The following TPST1 variants were observed in gnomAD, a reference collection of about 807,000 sequenced individuals.
TPST1 encodes protein-tyrosine sulfotransferase 1.
In TPST1, 20 loss-of-function variants were observed where a neutral mutation model predicts 34.8. The ratio of observed to expected loss-of-function variants is 0.57; its 90% CI spans 0.40 to 0.84. TPST1 has a LOEUF of 0.84. Ranked by LOEUF, TPST1 falls within the 40% of genes least tolerant of loss-of-function variation. The pLI is 0.00. For synonymous variants in TPST1, 152 were observed against 159.4 expected (o/e 0.95, Z 0.35); for missense variants, 353 against 455.5 (o/e 0.78, Z 2.05).
At chr7:66,271,936 C>A (rs947973326) in intron 2 of TPST1, among the ~76,000 whole-genome samples, 1 of 151,968 alleles carries the variant, frequency 6.6e-6, no homozygotes, top group Non-Finnish European at 1.5e-5. Flanking sequence ...GCTGTCTAGT[C>A]TTTTACAGAA....
At chr7:66,200,797 G>A (rs778505703), upstream of TPST1, among the ~76,000 whole-genome samples, 2 of 151,760 alleles carry the variant, frequency 1.3e-5, no homozygotes, top group Non-Finnish European at 2.9e-5. Flanking sequence ...CACAGTCTCC[G>A]CTCACCGCAG....
chr7:66,227,323 G>A (rs1023750022), intron 1 of TPST1, among the ~76,000 whole-genome samples: 5 of 151,914 alleles, frequency 3.3e-5, no homozygotes, highest in African/African-American at 9.7e-5. Flanking sequence ...GAGCCACTGC[G>A]CCCAGCCCAA....
chr7:66,327,441 A>G (rs922858995), intron 3 of TPST1, among the ~76,000 whole-genome samples: 3 of 152,168 alleles, frequency 2.0e-5, no homozygotes, highest in African/African-American at 4.8e-5. Context: ...GTATATGTAC[A>G]GCTGGGTGCA....
At chr7:66,316,296 T>C (rs958607897) in intron 3 of TPST1, among the ~76,000 whole-genome samples, 5 of 152,226 alleles carry the variant, frequency 3.3e-5, no homozygotes, top group Admixed American at 6.5e-5. Context: ...AAGAATATTA[T>C]CTAAATGATA....
chr7:66,232,997 A>G (rs969343022), intron 1 of TPST1, among the ~76,000 whole-genome samples: 1 of 152,120 alleles, frequency 6.6e-6, no homozygotes, highest in Non-Finnish European at 1.5e-5. Context: ...GACCATTTGC[A>G]TATATTCTTT....
At chr7:66,237,947 C>CAA (rs1267544686) in intron 1 of TPST1, among the ~76,000 whole-genome samples, 1 of 152,114 alleles carries the variant, frequency 6.6e-6, no homozygotes, top group Admixed American at 6.6e-5. Context: ...GTAACTGTTA[C>CAA]AGGGAGGCCT....
chr7:66,241,863 G>A (rs767071662), intron 2 of TPST1, among the ~76,000 whole-genome samples: 2 of 152,196 alleles, frequency 1.3e-5, no homozygotes, highest in Non-Finnish European at 2.9e-5. Context: ...GCCAGAATTC[G>A]AATCTGTGCC....
At chr7:66,245,495 G>A (rs919118180) in intron 2 of TPST1, among the ~76,000 whole-genome samples, 1 of 152,246 alleles carries the variant, frequency 6.6e-6, no homozygotes, top group Non-Finnish European at 1.5e-5. Context: ...TCCTGAGAGT[G>A]ATTAGATATC....
At chr7:66,256,634 C>T (rs1171917841) in intron 2 of TPST1, among the ~76,000 whole-genome samples, 2 of 152,150 alleles carry the variant, frequency 1.3e-5, no homozygotes, top group African/African-American at 4.8e-5. Flanking sequence ...TCTTTTCCAG[C>T]CTTATCTCAG....
At position 66,312,579 on chromosome 7, in the gene TPST1, C is replaced by T. The variant is rs182683202; in HGVS notation, c.1044+25870C>T. On this transcript the variant is annotated intron_variant, in intron 3 of 5. Transcript: ENST00000304842. ...CCTTTTTAAAAATCTATTAAAATAT[C>T]GTTAATTTAAAAAATCCCTTTAAAA... 7.9e-5 allele frequency among the ~76,000 whole-genome samples: 12 copies of T among 152,094 alleles called. No homozygotes were observed. The East Asian group carries it at 1.7e-3, about 22-fold the overall frequency.
chr7:66,286,197 G>T (rs1791030444), intron 2 of TPST1, among the ~76,000 whole-genome samples: 1 of 151,996 alleles, frequency 6.6e-6, no homozygotes. Context: ...ATTTTTCTAA[G>T]CAGCTGTATC....
upstream of TPST1, among the ~76,000 whole-genome samples, chr7:66,200,851 C>T (rs761003186): frequency 3.3e-5 from 5 of 152,166 alleles, no homozygotes; most frequent in Admixed American, 6.6e-5. Context: ...CTCAGCCTCC[C>T]GAGTTGCTGG....
chr7:66,220,474 C>A (rs1214861077), intron 1 of TPST1, among the ~76,000 whole-genome samples: 1 of 152,078 alleles, frequency 6.6e-6, no homozygotes, highest in African/African-American at 2.4e-5. Context: ...TACAAGGGCA[C>A]TAGGAAGGAC....
chr7:66,312,434 A>G (rs1388289334), intron 3 of TPST1, among the ~76,000 whole-genome samples: 2 of 152,226 alleles, frequency 1.3e-5, no homozygotes, highest in Non-Finnish European at 2.9e-5. Flanking sequence ...AAATGAGAAT[A>G]TAATAAATCA....
chr7:66,343,838 A>G (rs989128072), intron 3 of TPST1, among the ~76,000 whole-genome samples: 1 of 152,234 alleles, frequency 6.6e-6, no homozygotes, highest in East Asian at 1.9e-4. Flanking sequence ...AATTTTAAAT[A>G]AGTATGATTA....
chr7:66,258,505 ATC>A (rs946682698), intron 2 of TPST1, among the ~76,000 whole-genome samples: 6 of 152,144 alleles, frequency 3.9e-5, no homozygotes, highest in African/African-American at 1.4e-4. Flanking sequence ...GCTTCCCTGA[ATC>A]TCTCTTATGT....
intron 2 of TPST1, among the ~76,000 whole-genome samples, chr7:66,242,730 C>T (rs970482223): frequency 2.0e-5 from 3 of 152,160 alleles, no homozygotes; most frequent in African/African-American, 7.2e-5. Context: ...CATTAGACCA[C>T]CAGCCTCTTC....
At chr7:66,329,189 A>G (rs1436619818) in intron 3 of TPST1, among the ~76,000 whole-genome samples, 3 of 151,980 alleles carry the variant, frequency 2.0e-5, no homozygotes, top group African/African-American at 7.3e-5. Context: ...TTCTGGGATT[A>G]TAGGTGTGAG....
intron 2 of TPST1, among the ~76,000 whole-genome samples, chr7:66,275,452 A>T (rs917126544): frequency 1.8e-4 from 28 of 152,230 alleles, no homozygotes; most frequent in Non-Finnish European, 1.5e-5. Flanking sequence ...ACTATTCACA[A>T]TAGCCAAGAT....
Sources: gnomAD v4.1 joint callset for allele counts (sites outside exome capture counted in the v4.1 genomes callset) on GRCh38, gnomAD v4.1.1 for gene constraint, MANE v1.5 for transcripts, NCBI Gene and HGNC (gene_info 2026-07-23, HGNC 2026-07-21) for gene names.